Variants in DPPA4 observed in about 807,000 individuals in gnomAD.
DPPA4 encodes the protein developmental pluripotency associated 4.
In DPPA4, 22 loss-of-function variants were observed where a neutral mutation model predicts 33.7. That is an observed-to-expected ratio of 0.65 (90% CI 0.47 to 0.93). The LOEUF is 0.93. DPPA4 is among the 40% of genes least tolerant of loss of function. DPPA4 has a pLI of 0.00. For missense variants in DPPA4, 340 were observed against 358.6 expected (o/e 0.95, Z 0.42); for synonymous variants, 156 against 132.3 (o/e 1.18, Z -1.23).
Position 109,327,942 on chromosome 3 carries a change from C to G in DPPA4, c.*46G>C. 1 of 1,404,480 alleles carries G rather than the reference C, an allele frequency of 7.1e-7. No homozygotes were observed. Among genetic ancestry groups the G allele is most frequent in the South Asian group, 1.2e-5 (1 of 85,806 alleles). 87.0% of individuals were successfully genotyped at this position (1,404,480 alleles called of 1,614,324 possible). On this transcript the variant is annotated 3_prime_UTR_variant, in exon 7 of 7. Transcript: ENST00000335658. The stretch of plus-strand genomic sequence containing the variant: ...AGCACCGCAGAATCCAACTCTCCAG[C>G]TTTTCTGCCATTAATTACCATAGAT...
rs1032635237 is a variant in DPPA4, at chr3:109,335,605, T to C, written c.55-1612A>G. The stretch of plus-strand genomic sequence containing the variant: ...ACCACACCCGGCTGAATTTTTCTAT[T>C]TTTAGTAGAGATGGGGGTTTCACCA... On this transcript the variant is annotated intron_variant, in intron 1 of 6. Transcript: ENST00000335658. Among the ~76,000 whole-genome samples the C allele has an allele frequency of 4.6e-5, 7 of 152,064 alleles. 1 individual carries two copies. In the South Asian group the frequency reaches 1.5e-3, roughly 32 times the overall value.
Position 109,327,695 on chromosome 3 carries a change from GAAGTCATGTCTATTTTAGAA to G in DPPA4, c.*273_*292del, listed in dbSNP as rs1707968138. On this transcript the variant is annotated 3_prime_UTR_variant, in exon 7 of 7. Coordinates refer to ENST00000335658, the MANE Select transcript of DPPA4 (RefSeq NM_018189.4). ...AATACAACAAAAAAAAGCTGCTGCT[GAAGTCATGTCTATTTTAGAA>G]AAGTAGTATGAATGAGTTTTTCTAC... The G allele has an allele frequency of 7.1e-6, 2 of 281,164 alleles. No homozygotes were observed. Among genetic ancestry groups the G allele is most frequent in the Non-Finnish European group, 1.3e-5 (2 of 151,746 alleles). The allele number at this position is 281,164 out of a possible 1,614,324, so 17.4% of individuals were successfully genotyped here.
intron 5 of DPPA4, 169 bp downstream of exon 5, chr3:109,330,355 A>G: frequency 1.6e-6 from 1 of 639,748 alleles, no homozygotes; most frequent in Non-Finnish European, 2.7e-6. Flanking sequence ...AGAAATGCAA[A>G]TAAATGCTCA....
At chr3:109,330,324 A>AGG in intron 5 of DPPA4, 200 bp downstream of exon 5, 1 of 345,216 alleles carries the variant, frequency 2.9e-6, no homozygotes, top group South Asian at 2.5e-5. Context: ...AAAAAAAAAA[A>AGG]AAAAAAAGGA....
chr3:109,333,349 C>CAAAAAAAAAA (rs56044946), intron 2 of DPPA4: 2 of 97,562 alleles, frequency 2.0e-5, no homozygotes, highest in African/African-American at 9.2e-5. Flanking sequence ...CTTGGTGTCT[C>CAAAAAAAAAA]AAAAAAAAAA....
Position 109,329,017 on chromosome 3 carries a change from G to A in DPPA4, c.751C>T (p.His251Tyr), listed in dbSNP as rs267599536. 6.2e-7 allele frequency: 1 copy of A among 1,614,102 alleles called. No homozygotes were observed. The highest frequency in any genetic ancestry group is 8.5e-7 in the Non-Finnish European group (1 of 1,180,024). Residue 251 changes from histidine (H) to tyrosine (Y), a missense_variant, in exon 6 of 7, where the codon CAT becomes TAT. Physicochemically the swap from His to Tyr is moderately conservative, Grantham distance 83 (BLOSUM62 2). Coordinates refer to ENST00000335658, the MANE Select transcript of DPPA4 (RefSeq NM_018189.4). ...TCTGGAACCCAGGCTTGACCAGCATGAAACTGCAGGTGAACCCAACCATCT... is the reference window on the plus strand; with the variant it reads ...TCTGGAACCCAGGCTTGACCAGCATAAAACTGCAGGTGAACCCAACCATCT... ...DTDGWVHLQF[H>Y]AGQAWVPEKQ...
chr3:109,336,608 A>G (rs1708218112), intron 1 of DPPA4, among the ~76,000 whole-genome samples: 1 of 152,116 alleles, frequency 6.6e-6, no homozygotes, highest in Admixed American at 6.6e-5. Flanking sequence ...ACTCAGCTCA[A>G]TTACCTCTTC....
In DPPA4 at chr3:109,327,911, G is replaced by C. The variant is rs560923587; in HGVS notation, c.*77C>G. 45 of 1,074,784 alleles carry C rather than the reference G, an allele frequency of 4.2e-5. No homozygotes were observed. The highest frequency in any genetic ancestry group is 8.8e-5 in the Admixed American group (5 of 56,832). The allele number at this position is 1,074,784 out of a possible 1,614,324, so 66.6% of individuals were successfully genotyped here. Reference sequence around the variant, plus strand: ...AGGTGCAGAGGACCAGAGTTCACCTGTCAGCAGCACCGCAGAATCCAACTC... The same window carrying C: ...AGGTGCAGAGGACCAGAGTTCACCTCTCAGCAGCACCGCAGAATCCAACTC... On this transcript the variant is annotated 3_prime_UTR_variant, in exon 7 of 7. Coordinates refer to ENST00000335658, the MANE Select transcript of DPPA4 (RefSeq NM_018189.4).
At position 109,330,591 on chromosome 3, in the gene DPPA4, G is replaced by A. The variant is rs780828761; in HGVS notation, c.612C>T (p.Ala204=). 1.9e-6 allele frequency: 3 copies of A among 1,614,134 alleles called. No homozygotes were observed. Among genetic ancestry groups the A allele is most frequent in the Non-Finnish European group, 2.5e-6 (3 of 1,180,030 alleles). Residue 204 remains alanine (A), a synonymous_variant, in exon 5 of 7, where the codon GCC becomes GCT. Coordinates refer to ENST00000335658, the MANE Select transcript of DPPA4 (RefSeq NM_018189.4). The part of the protein sequence containing the change: ...VTTSAPEALL[A]SWARISARAR... ...CCCTGGCTGAAATTCTCGCCCAGGAGGCCAGCAAAGCCTCTGGGGCAGAAG... is the reference window on the plus strand; with the variant it reads ...CCCTGGCTGAAATTCTCGCCCAGGAAGCCAGCAAAGCCTCTGGGGCAGAAG...
intron 4 of DPPA4, 25 bp from the exon 5 acceptor site, chr3:109,330,837 GA>G: frequency 6.4e-7 from 1 of 1,559,848 alleles, no homozygotes; most frequent in Non-Finnish European, 8.6e-7. Flanking sequence ...AAATAATAAA[GA>G]TAAAAATACA....
intron 4 of DPPA4, among the ~76,000 whole-genome samples, 191 bp downstream of exon 4, chr3:109,331,543 C>CAAAAAAAA (rs62827961): frequency 7.0e-4 from 50 of 71,376 alleles, no homozygotes; most frequent in Non-Finnish European, 9.3e-4. Flanking sequence ...GACTCTGTCT[C>CAAAAAAAA]AAAAAAAAAA....
At chr3:109,337,671 C>T (rs781180479), upstream of DPPA4, 39 of 666,666 alleles carry the variant, frequency 5.9e-5, no homozygotes, top group African/African-American at 5.2e-4. Flanking sequence ...AAATTGCATT[C>T]TTTCTTATTC....
At chr3:109,337,331 TAA>T (rs533418571) in intron 1 of DPPA4, 131 bp downstream of exon 1, 711 of 604,710 alleles carry the variant, frequency 1.2e-3, no homozygotes, top group South Asian at 1.6e-3. Flanking sequence ...ACTCTTAAAA[TAA>T]AAAAAAAAAA....
intron 1 of DPPA4, among the ~76,000 whole-genome samples, chr3:109,336,987 G>C (rs1708228133): frequency 6.6e-6 from 1 of 152,106 alleles, no homozygotes; most frequent in Admixed American, 6.6e-5. Flanking sequence ...CGCAACCCCC[G>C]ACTCCCGGGT....
At chr3:109,332,117 T>TGG in intron 2 of DPPA4, 86 bp from the exon 3 acceptor site, 1 of 1,310,362 alleles carries the variant, frequency 7.6e-7, no homozygotes, top group Non-Finnish European at 1.0e-6. Context: ...TTTTTTTCTT[T>TGG]TTTGAGACAG....
At position 109,334,012 on chromosome 3, in the gene DPPA4, G is replaced by A. The variant is rs1708141279; in HGVS notation, c.55-19C>T. 2 of 1,613,128 alleles carry A rather than the reference G, an allele frequency of 1.2e-6. No homozygotes were observed. The highest frequency in any genetic ancestry group is 1.7e-6 in the Non-Finnish European group (2 of 1,179,746). On this transcript the variant is annotated intron_variant, in intron 1 of 6. Transcript: ENST00000335658. The stretch of plus-strand genomic sequence containing the variant: ...AGGTCCACTGGGGAACAGAGGAGCT[G>A]GTCAGTCATTCCTCTAGTGTCCAAA...
intron 2 of DPPA4, among the ~76,000 whole-genome samples, chr3:109,332,571 G>C (rs991682270): frequency 2.0e-5 from 3 of 152,112 alleles, no homozygotes; most frequent in African/African-American, 7.2e-5. Flanking sequence ...TTCCATCCCA[G>C]GGGAATTACC....
upstream of DPPA4, among the ~76,000 whole-genome samples, chr3:109,337,736 G>T (rs1461164542): frequency 6.6e-6 from 1 of 151,882 alleles, no homozygotes; most frequent in African/African-American, 2.4e-5. Flanking sequence ...GCCCTTTTCT[G>T]TTCACTTTAA....
rs997666971 is a variant in DPPA4, at chr3:109,336,131, G to A, written c.54+1333C>T. 3.3e-5 allele frequency among the ~76,000 whole-genome samples: 5 copies of A among 151,254 alleles called. No individual in the cohort carries two copies. In the East Asian group the frequency reaches 9.9e-4, roughly 30 times the overall value. The stretch of plus-strand genomic sequence containing the variant: ...TCGGCTACTGCACACCACTCTGGGC[G>A]ACAGAGTCAAACTCATTAAAAAAAA... On this transcript the variant is annotated intron_variant, in intron 1 of 6. Coordinates refer to ENST00000335658, the MANE Select transcript of DPPA4 (RefSeq NM_018189.4).
Sources: gnomAD v4.1 joint callset for allele counts (sites outside exome capture counted in the v4.1 genomes callset) on GRCh38, gnomAD v4.1.1 for gene constraint, MANE v1.5 for transcripts, NCBI Gene and HGNC (gene_info 2026-07-23, HGNC 2026-07-21) for gene names.